Variants in SEC24D observed in about 807,000 individuals in gnomAD.
SEC24D encodes protein transport protein Sec24D.
A neutral mutation model predicts 116.9 loss-of-function variants in SEC24D; 69 were observed. That is an observed-to-expected ratio of 0.59 (90% CI 0.49 to 0.72). The LOEUF is 0.72. SEC24D is among the 30% of genes least tolerant of loss of function. The pLI, the probability that SEC24D is intolerant of heterozygous loss-of-function variation, is 0.00. For missense variants in SEC24D, 1,131 were observed against 1,264.1 expected (o/e 0.89, Z 1.60); for synonymous variants, 405 against 442.8 (o/e 0.91, Z 1.07).
intron 7 of SEC24D, among the ~76,000 whole-genome samples, chr4:118,802,666 T>C (rs1045216341): frequency 2.0e-5 from 3 of 152,168 alleles, no homozygotes; most frequent in Non-Finnish European, 2.9e-5. Flanking sequence ...ACCTTACTAG[T>C]CCTGCCTGCT....
rs143390435 is a variant in SEC24D, at chr4:118,747,031, T to C, written c.1708-1971A>G. Among the ~76,000 whole-genome samples the C allele has an allele frequency of 2.8e-3, 431 of 152,206 alleles. 3 individuals carry two copies. The highest frequency in any genetic ancestry group is 0.01 in the Middle Eastern group (3 of 294). The stretch of plus-strand genomic sequence containing the variant: ...TGCATATGTCTTCCACCGAAAATTA[T>C]TGATAGATGCAGCATTAATAAGAAC... On this transcript the variant is annotated intron_variant, in intron 13 of 22. Coordinates refer to ENST00000280551, the MANE Select transcript of SEC24D (RefSeq NM_014822.4).
In SEC24D at chr4:118,731,430, T is replaced by G. The variant is rs749184912; in HGVS notation, c.2754A>C (p.Ile918=). The part of the protein sequence containing the change: ...CSESRLSEEG[I]FLLANGLHMF... ...TGTGTAGACCATTAGCCAGTAAGAA[T>G]ATTCCTTCTTCTGAAAGACGGGACT... The change falls in exon 21 of 23, where the codon ATA becomes ATC. Residue 918 remains isoleucine (I), a synonymous_variant. Coordinates refer to ENST00000280551, the MANE Select transcript of SEC24D (RefSeq NM_014822.4). The G allele has an allele frequency of 6.2e-7, 1 of 1,614,046 alleles. No individual in the cohort carries two copies. The highest frequency in any genetic ancestry group is 8.5e-7 in the Non-Finnish European group (1 of 1,179,896).
intron 8 of SEC24D, among the ~76,000 whole-genome samples, chr4:118,790,253 T>C (rs899816985): frequency 6.6e-6 from 1 of 152,230 alleles, no homozygotes; most frequent in Non-Finnish European, 1.5e-5. Context: ...TACACAGATA[T>C]TCCTGAATCT....
chr4:118,746,678 C>T (rs536483640), intron 13 of SEC24D, among the ~76,000 whole-genome samples: 2 of 152,150 alleles, frequency 1.3e-5, no homozygotes, highest in East Asian at 3.9e-4. Context: ...GTTCCCTTGG[C>T]CTGGAATCCA....
chr4:118,760,250 C>CGTAAAAAA (rs1170498085), intron 10 of SEC24D: 2 of 152,162 alleles, frequency 1.3e-5, no homozygotes, highest in Non-Finnish European at 1.5e-5. Context: ...GCTGTGCAAC[C>CGTAAAAAA]ATTACCACCA....
At chr4:118,725,319 C>A (rs1725353372) in intron 22 of SEC24D, among the ~76,000 whole-genome samples, 1 of 152,284 alleles carries the variant, frequency 6.6e-6, no homozygotes, top group East Asian at 1.9e-4. Flanking sequence ...AATGAGATTT[C>A]TCCAAAGAAG....
intron 10 of SEC24D, among the ~76,000 whole-genome samples, chr4:118,759,093 C>CCT (rs1727246445): frequency 6.6e-6 from 1 of 152,158 alleles, no homozygotes; most frequent in African/African-American, 2.4e-5. Context: ...ATTACCAATT[C>CCT]CTCATGGAAT....
chr4:118,789,359 C>T (rs973909672), intron 8 of SEC24D, among the ~76,000 whole-genome samples: 1 of 152,190 alleles, frequency 6.6e-6, no homozygotes, highest in African/African-American at 2.4e-5. Flanking sequence ...AATGCATGAC[C>T]AGCAATTCCT....
rs777651334 is a variant in SEC24D at position 118,815,028 on chromosome 4, TG to T, written c.800del (p.Pro267GlnfsTer4). 6.2e-7 allele frequency: 1 copy of T among 1,613,784 alleles called. No individual in the cohort carries two copies. The highest frequency in any genetic ancestry group is 8.5e-7 in the Non-Finnish European group (1 of 1,179,894). On this transcript the variant is annotated frameshift_variant and splice_region_variant, in exon 6 of 23. Coordinates refer to ENST00000280551, the MANE Select transcript of SEC24D (RefSeq NM_014822.4). LOFTEE classifies it high-confidence loss of function. ...KKLDPDSIPS[P>X]IQVIENDRAS... ...CTGTGAGAGTGAGAAGAGTACTTAC[TG>T]GGCTAGGGATAGAGTCAGGATCCAG... is the stretch of plus-strand genomic sequence containing the variant.
Position 118,775,363 on chromosome 4 carries a change from A to G in SEC24D, c.1042-7052T>C, listed in dbSNP as rs915199110. ...AAAAGGTCAAAAAAAAAAAAAAAAA[A>G]AAGAAGAAATCTTCAGAGGGGTCAG... On this transcript the variant is annotated intron_variant, in intron 8 of 22. Coordinates refer to ENST00000280551, the MANE Select transcript of SEC24D (RefSeq NM_014822.4). Among the ~76,000 whole-genome samples the G allele has an allele frequency of 8.4e-4, 128 of 151,808 alleles. 1 individual carries two copies. Among genetic ancestry groups the G allele is most frequent in the Admixed American group, 4.7e-3 (71 of 15,212 alleles).
intron 13 of SEC24D, among the ~76,000 whole-genome samples, chr4:118,749,011 T>A (rs951909889): frequency 2.7e-5 from 4 of 149,900 alleles, no homozygotes; most frequent in Non-Finnish European, 6.0e-5. Context: ...TTTCTTCCAA[T>A]TTTTTTTTCT....
chr4:118,726,600 A>G lies in SEC24D; in HGVS notation c.2958+1961T>C, dbSNP rs144173522. Among the ~76,000 whole-genome samples the G allele has an allele frequency of 4.0e-3, 608 of 152,318 alleles. 3 individuals are homozygous for G. The highest frequency in any genetic ancestry group is 0.014 in the African/African-American group (580 of 41,564). Reference sequence around the variant, plus strand: ...GAAGTGGCAGCTTCTATGAAGGTAGATTTGAACAGCTTGTAAACTGGAAAA... The same window carrying G: ...GAAGTGGCAGCTTCTATGAAGGTAGGTTTGAACAGCTTGTAAACTGGAAAA... On this transcript the variant is annotated intron_variant, in intron 22 of 22. Coordinates refer to ENST00000280551, the MANE Select transcript of SEC24D (RefSeq NM_014822.4).
At position 118,813,451 on chromosome 4, in the gene SEC24D, T is replaced by C. The variant is rs115240472; in HGVS notation, c.801+1577A>G. The stretch of plus-strand genomic sequence containing the variant: ...GAGGGGCCACATGTGGTGACAGCCT[T>C]CTTCTGGTGGAGACTCTGCAGAATC... On this transcript the variant is annotated intron_variant, in intron 6 of 22. Transcript: ENST00000280551. Among the ~76,000 whole-genome samples the C allele has an allele frequency of 5.0e-3, 767 of 152,346 alleles. 6 individuals are homozygous for C. Among genetic ancestry groups the C allele is most frequent in the African/African-American group, 0.015 (628 of 41,582 alleles).
intron 13 of SEC24D, among the ~76,000 whole-genome samples, chr4:118,749,023 CTT>C (rs930906769): frequency 2.8e-5 from 4 of 144,280 alleles, no homozygotes; most frequent in Non-Finnish European, 4.6e-5. Context: ...TTTTTTTCTT[CTT>C]TTTTTTTTTG....
At chr4:118,803,869 T>G (rs184710939) in intron 7 of SEC24D, among the ~76,000 whole-genome samples, 148 of 152,312 alleles carry the variant, frequency 9.7e-4, no homozygotes, top group East Asian at 3.9e-4. Context: ...GTTAGAAAAT[T>G]GTCTTGATAC....
intron 8 of SEC24D, among the ~76,000 whole-genome samples, chr4:118,782,205 C>A (rs894152102): frequency 6.6e-6 from 1 of 152,210 alleles, no homozygotes; most frequent in Non-Finnish European, 1.5e-5. Flanking sequence ...GCTCTGGTTT[C>A]TCCCCATCTT....
At chr4:118,809,693 C>T (rs1729823140) in intron 6 of SEC24D, among the ~76,000 whole-genome samples, 2 of 152,160 alleles carry the variant, frequency 1.3e-5, no homozygotes, top group African/African-American at 2.4e-5. Flanking sequence ...TGGACATATA[C>T]TATGTATCAG....
chr4:118,774,208 A>G (rs1487321618), intron 8 of SEC24D, among the ~76,000 whole-genome samples: 1 of 152,034 alleles, frequency 6.6e-6, no homozygotes, highest in African/African-American at 2.4e-5. Context: ...TCTTTGAACA[A>G]TACTATCAGA....
At chr4:118,829,642 G>A (rs1052735950) in intron 2 of SEC24D, among the ~76,000 whole-genome samples, 1 of 152,004 alleles carries the variant, frequency 6.6e-6, no homozygotes, top group Non-Finnish European at 1.5e-5. Flanking sequence ...GAGAAACCCC[G>A]TCTCTACTAA....
Sources: allele counts gnomAD v4.1 joint callset (sites outside exome capture counted in the v4.1 genomes callset), GRCh38; gene constraint gnomAD v4.1.1; transcripts MANE v1.5; gene names NCBI Gene and HGNC (gene_info 2026-07-23, HGNC 2026-07-21).